HSD17B12: variants seen among roughly 807,000 people sequenced by gnomAD.
HSD17B12 encodes very-long-chain 3-oxoacyl-CoA reductase.
A neutral mutation model predicts 39.3 loss-of-function variants in HSD17B12; 32 were observed. That is an observed-to-expected ratio of 0.81 (90% confidence interval 0.61 to 1.09). The LOEUF (loss-of-function observed/expected upper bound fraction) is 1.09, where lower values mean the gene tolerates loss of function less well. Among genes scored for constraint, HSD17B12 ranks in the 50% least tolerant of loss-of-function variants. HSD17B12 has a pLI of 0.00. For missense variants in HSD17B12, 342 were observed against 382.9 expected (o/e 0.89, Z 0.89); for synonymous variants, 150 against 146.7 (o/e 1.02, Z -0.16).
intron 6 of HSD17B12, among the ~76,000 whole-genome samples, chr11:43,819,614 C>T (rs145582943): frequency 1.2e-4 from 18 of 152,130 alleles, no homozygotes; most frequent in Non-Finnish European, 2.2e-4. Flanking sequence ...AATGCTTCTC[C>T]CACCTCTTCA....
the HSD17B12 span, among the ~76,000 whole-genome samples, chr11:43,626,656 T>C: frequency 4.0e-5 from 6 of 151,866 alleles, no homozygotes; most frequent in African/African-American, 1.4e-4. Context: ...CAAAGGAAAA[T>C]AATAATACTT....
the HSD17B12 span, among the ~76,000 whole-genome samples, chr11:43,651,044 CAGAT>C: frequency 1.8e-4 from 28 of 152,178 alleles, no homozygotes; most frequent in Admixed American, 5.9e-4. Context: ...TGCTATGCAT[CAGAT>C]AGAAGCAAAA....
intron 1 of HSD17B12, among the ~76,000 whole-genome samples, chr11:43,729,840 CAT>C (rs1950252791): frequency 6.6e-6 from 1 of 152,208 alleles, no homozygotes; most frequent in Non-Finnish European, 1.5e-5. Flanking sequence ...AAATAAAAGT[CAT>C]AGAGACTAGC....
chr11:43,588,944 A>G, the HSD17B12 span, among the ~76,000 whole-genome samples: 1 of 150,964 alleles, frequency 6.6e-6, no homozygotes, highest in South Asian at 2.1e-4. Context: ...ATTGAATTTA[A>G]TTACAATTGT....
At chr11:43,690,917 T>TA (rs1294309899) in intron 1 of HSD17B12, among the ~76,000 whole-genome samples, 1 of 152,190 alleles carries the variant, frequency 6.6e-6, no homozygotes, top group Non-Finnish European at 1.5e-5. Context: ...CAATGTTAAA[T>TA]ACTATAGAAA....
At chr11:43,829,932 A>G (rs772087561) in intron 6 of HSD17B12, 10 of 152,120 alleles carry the variant, frequency 6.6e-5, no homozygotes, top group Non-Finnish European at 4.4e-5. Flanking sequence ...ACAATAAAAT[A>G]CCCACCACTG....
the HSD17B12 span, among the ~76,000 whole-genome samples, chr11:43,625,821 A>T: frequency 6.6e-6 from 1 of 151,422 alleles, no homozygotes; most frequent in African/African-American, 2.4e-5. Flanking sequence ...TGATACTGTT[A>T]AAACCCAACA....
chr11:43,588,823 G>C, the HSD17B12 span, among the ~76,000 whole-genome samples: 1 of 151,688 alleles, frequency 6.6e-6, no homozygotes, highest in Non-Finnish European at 1.5e-5. Context: ...CAAATCAGAA[G>C]GGTTGATAGA....
chr11:43,557,330 G>A, the HSD17B12 span, among the ~76,000 whole-genome samples: 5 of 152,184 alleles, frequency 3.3e-5, no homozygotes, highest in African/African-American at 1.2e-4. Flanking sequence ...TTCACTGAGT[G>A]TCTTAATTCT....
At chr11:43,617,922 T>C in the HSD17B12 span, among the ~76,000 whole-genome samples, 1 of 152,242 alleles carries the variant, frequency 6.6e-6, no homozygotes, top group African/African-American at 2.4e-5. Context: ...CCATGTATTA[T>C]GAAGATCCTG....
chr11:43,615,230 T>G, the HSD17B12 span, among the ~76,000 whole-genome samples: 2 of 152,204 alleles, frequency 1.3e-5, no homozygotes, highest in African/African-American at 4.8e-5. Flanking sequence ...AGATCTGCCT[T>G]TTGTGGATTT....
At chr11:43,793,993 A>G (rs1250801644) in intron 3 of HSD17B12, among the ~76,000 whole-genome samples, 3 of 152,244 alleles carry the variant, frequency 2.0e-5, no homozygotes, top group South Asian at 4.1e-4. Flanking sequence ...TTTTTATGCC[A>G]GAGTTGCATT....
At chr11:43,853,346 A>C (rs1294711533) in intron 9 of HSD17B12, 1 of 53,616 alleles carries the variant, frequency 1.9e-5, no homozygotes, top group Non-Finnish European at 3.5e-5. Context: ...TCAAAAAAAA[A>C]AAAAAAAAAA....
At chr11:43,774,591 C>T (rs750096137) in intron 3 of HSD17B12, among the ~76,000 whole-genome samples, 1 of 152,154 alleles carries the variant, frequency 6.6e-6, no homozygotes, top group Non-Finnish European at 1.5e-5. Flanking sequence ...CCACTCTTTT[C>T]ATTTATTTAT....
At chr11:43,735,634 C>T (rs1950309572) in intron 1 of HSD17B12, among the ~76,000 whole-genome samples, 1 of 152,070 alleles carries the variant, frequency 6.6e-6, no homozygotes, top group Non-Finnish European at 1.5e-5. Context: ...TTTATATATT[C>T]TAGATAATAA....
At chr11:43,579,178 CGCTGTCCCCTCTCT>C in the HSD17B12 span, 96 of 152,498 alleles carry the variant, frequency 6.3e-4, no homozygotes, top group Non-Finnish European at 1.2e-3. Context: ...CTTGCTGTCT[CGCTGTCCCCTCTCT>C]GCCCCGCGCA....
chr11:43,780,983 G>T (rs1329071104), intron 3 of HSD17B12, among the ~76,000 whole-genome samples: 1 of 152,178 alleles, frequency 6.6e-6, no homozygotes. Flanking sequence ...TGGGGCATAT[G>T]TGCATGCAGA....
the HSD17B12 span, among the ~76,000 whole-genome samples, chr11:43,598,815 G>A: frequency 0.026 from 3,931 of 152,234 alleles, 185 homozygotes; most frequent in African/African-American, 0.089. Context: ...GATGAGACAG[G>A]ATCACCAGGC....
At chr11:43,816,994 A>G (rs1294079967) in intron 6 of HSD17B12, among the ~76,000 whole-genome samples, 3 of 48,010 alleles carry the variant, frequency 6.2e-5, no homozygotes, top group African/African-American at 2.0e-4. Context: ...ATCTATATCT[A>G]TATCTATATC....
Sources: allele counts gnomAD v4.1 joint callset (sites outside exome capture counted in the v4.1 genomes callset), GRCh38; gene constraint gnomAD v4.1.1; transcripts MANE v1.5; gene names NCBI Gene and HGNC (gene_info 2026-07-23, HGNC 2026-07-21).